The following ACTR6 variants were observed in gnomAD, a reference collection of about 807,000 sequenced individuals.
The protein encoded by ACTR6 is actin-related protein 6.
A neutral mutation model predicts 52.5 loss-of-function variants in ACTR6; 50 were observed. That is an observed-to-expected ratio of 0.95 (90% confidence interval 0.76 to 1.20). The LOEUF is 1.20. Among genes scored for constraint, ACTR6 ranks in the 50% most tolerant of loss-of-function variants. ACTR6 has a pLI of 0.00. For missense variants in ACTR6, 344 were observed against 472.4 expected (o/e 0.73, Z 2.52); for synonymous variants, 135 against 147.2 (o/e 0.92, Z 0.60).
intron 3 of ACTR6, among the ~76,000 whole-genome samples, chr12:100,207,169 T>G (rs2153900126): frequency 6.6e-6 from 1 of 152,226 alleles, no homozygotes; most frequent in African/African-American, 2.4e-5. Context: ...TTAGCCTACC[T>G]TATCCTTCTA....
Sources: allele counts gnomAD v4.1 joint callset (sites outside exome capture counted in the v4.1 genomes callset), GRCh38; gene constraint gnomAD v4.1.1; transcripts MANE v1.5; gene names NCBI Gene and HGNC (gene_info 2026-07-23, HGNC 2026-07-21).